PTPRM: variants seen among roughly 807,000 people sequenced by gnomAD.
The protein encoded by PTPRM is protein tyrosine phosphatase receptor type M.
Under a neutral mutation model 186.7 loss-of-function variants are expected in PTPRM, and 47 were observed. The ratio of observed to expected loss-of-function variants is 0.25; its 90% CI spans 0.20 to 0.32. The LOEUF is 0.32. Among genes scored for constraint, PTPRM ranks in the 10% least tolerant of loss-of-function variants. The pLI is 1.00. For missense variants in PTPRM, 1,494 were observed against 1,865.0 expected (o/e 0.80, Z 3.66); for synonymous variants, 668 against 674.9 (o/e 0.99, Z 0.16).
At chr18:8,218,628 G>T (rs1362698247) in intron 14 of PTPRM, among the ~76,000 whole-genome samples, 1 of 152,134 alleles carries the variant, frequency 6.6e-6, no homozygotes, top group Non-Finnish European at 1.5e-5. Context: ...TCAGTGTAGC[G>T]CTCAAAGGAA....
chr18:8,298,635 C>A (rs9949149), intron 20 of PTPRM, among the ~76,000 whole-genome samples: 101,992 of 152,152 alleles, frequency 0.67, 35,018 homozygotes, highest in African/African-American at 0.8. Context: ...CTTTGCACAT[C>A]GAAACCCGCT....
Position 8,354,229 on chromosome 18 carries a change from T to C in PTPRM, c.3054+10709T>C, listed in dbSNP as rs952851227. On this transcript the variant is annotated intron_variant, in intron 23 of 32. Transcript: ENST00000580170. The stretch of plus-strand genomic sequence containing the variant: ...TTCCGTCTTAAAAAAAAAAAAAGTA[T>C]AATGCAAAGTGATAACCACTGCAAC... Among the ~76,000 whole-genome samples the C allele has an allele frequency of 2.8e-5, 4 of 144,442 alleles. No individual in the cohort carries two copies. In the South Asian group the frequency reaches 8.6e-4, roughly 31 times the overall value. The allele number at this position is 144,442 out of a possible 152,430, so 94.8% of individuals were successfully genotyped here. A position where few individuals can be genotyped will look rare whatever the true frequency, so the allele number is the denominator to read the frequency against.
At chr18:7,734,773 A>G in intron 1 of PTPRM, among the ~76,000 whole-genome samples, 1 of 152,210 alleles carries the variant, frequency 6.6e-6, no homozygotes, top group Non-Finnish European at 1.5e-5. Flanking sequence ...CATAATAGGG[A>G]AAAAGTGAAT....
chr18:7,717,917 C>T lies in PTPRM; in HGVS notation c.74-56232C>T, dbSNP rs78209407. Among the ~76,000 whole-genome samples, 595 of 152,302 alleles carry T rather than the reference C, an allele frequency of 3.9e-3. 5 individuals carry two copies. Among genetic ancestry groups the T allele is most frequent in the African/African-American group, 0.014 (570 of 41,574 alleles). On this transcript the variant is annotated intron_variant, in intron 1 of 32. Coordinates refer to ENST00000580170, the MANE Select transcript of PTPRM (RefSeq NM_001105244.2). Reference sequence around the variant, plus strand: ...CAGTGCTTGTTGACTCCAGTTCCCGCACCTGTTTGCTTGTGCTCCCTCCCT... The same window carrying T: ...CAGTGCTTGTTGACTCCAGTTCCCGTACCTGTTTGCTTGTGCTCCCTCCCT...
chr18:8,160,458 TTTGTTG>T (rs555423057), intron 14 of PTPRM, among the ~76,000 whole-genome samples: 1,897 of 151,584 alleles, frequency 0.013, 24 homozygotes, highest in Middle Eastern at 0.041. Flanking sequence ...ATTTTGGGGT[TTTGTTG>T]TTGTTGTTGT....
intron 22 of PTPRM, among the ~76,000 whole-genome samples, chr18:8,342,156 T>C (rs1021069881): frequency 4.6e-5 from 7 of 152,174 alleles, no homozygotes; most frequent in African/African-American, 1.7e-4. Flanking sequence ...CGATTGCTAA[T>C]TGGTCAAGAG....
intron 4 of PTPRM, among the ~76,000 whole-genome samples, chr18:7,911,566 GTTGTTTATC>G (rs1221866644): frequency 2.6e-5 from 4 of 152,042 alleles, no homozygotes; most frequent in Non-Finnish European, 5.9e-5. Context: ...TTTTAATTGA[GTTGTTTATC>G]TTTTTATTAT....
Position 7,852,888 on chromosome 18 carries a change from A to G in PTPRM, c.197-35218A>G, listed in dbSNP as rs185704480. ...ACCAATCAAAAAATAAAAAATAAAT[A>G]ATACATAGTTACATAGCCTAAACAA... On this transcript the variant is annotated intron_variant, in intron 2 of 32. Transcript: ENST00000580170. Among the ~76,000 whole-genome samples, 9 of 152,248 alleles carry G rather than the reference A, an allele frequency of 5.9e-5. No individual in the cohort carries two copies. In the East Asian group the frequency reaches 1.7e-3, roughly 29 times the overall value.
At chr18:8,146,984 C>G (rs113300914) in intron 14 of PTPRM, among the ~76,000 whole-genome samples, 21,344 of 152,074 alleles carry the variant, frequency 0.14, 1,551 homozygotes, top group Middle Eastern at 0.18. Context: ...ATTTCTGAGG[C>G]CTATGTTCTG....
chr18:8,367,639 G>A (rs181114909), intron 23 of PTPRM, among the ~76,000 whole-genome samples: 235 of 152,368 alleles, frequency 1.5e-3, no homozygotes, highest in African/African-American at 5.4e-3. Context: ...CTGGGTGCGG[G>A]GGGACAGCCA....
At chr18:8,246,338 T>TA in intron 15 of PTPRM, among the ~76,000 whole-genome samples, 1 of 152,108 alleles carries the variant, frequency 6.6e-6, no homozygotes. Flanking sequence ...TAGGAGAATT[T>TA]AAAAATAAGC....
intron 14 of PTPRM, among the ~76,000 whole-genome samples, chr18:8,228,309 C>T (rs1476145867): frequency 6.6e-6 from 1 of 152,100 alleles, no homozygotes; most frequent in South Asian, 2.1e-4. Flanking sequence ...GGAAACAGAG[C>T]TCACAAGTTT....
intron 32 of PTPRM, among the ~76,000 whole-genome samples, chr18:8,401,300 A>G (rs1485360355): frequency 1.3e-5 from 2 of 152,150 alleles, no homozygotes; most frequent in African/African-American, 4.8e-5. Flanking sequence ...AGTTCTACCT[A>G]TAGGTATTAA....
At chr18:7,616,775 C>T (rs1307258988) in intron 1 of PTPRM, among the ~76,000 whole-genome samples, 3 of 152,188 alleles carry the variant, frequency 2.0e-5, no homozygotes, top group African/African-American at 4.8e-5. Context: ...TGGTCCCCAT[C>T]CTGCCTGTCT....
intron 1 of PTPRM, among the ~76,000 whole-genome samples, chr18:7,603,996 A>G (rs1168176637): frequency 1.3e-5 from 2 of 152,208 alleles, no homozygotes; most frequent in African/African-American, 4.8e-5. Flanking sequence ...ATGCCAACAT[A>G]ATTATTTATA....
At chr18:7,998,286 A>G (rs2083660607) in intron 7 of PTPRM, among the ~76,000 whole-genome samples, 1 of 152,072 alleles carries the variant, frequency 6.6e-6, no homozygotes, top group Non-Finnish European at 1.5e-5. Flanking sequence ...GCACAGAATC[A>G]CAAATGTTAC....
At chr18:7,906,426 A>T in intron 3 of PTPRM, 79 bp from the exon 4 acceptor site, 4 of 1,059,508 alleles carry the variant, frequency 3.8e-6, no homozygotes. Flanking sequence ...AAACGAAATT[A>T]TGTGTCTTAT....
chr18:8,172,527 A>G (rs889348885), intron 14 of PTPRM, among the ~76,000 whole-genome samples: 4 of 152,092 alleles, frequency 2.6e-5, no homozygotes, highest in Non-Finnish European at 4.4e-5. Context: ...TACCCCAGGC[A>G]TATTGAATCA....
intron 20 of PTPRM, among the ~76,000 whole-genome samples, chr18:8,301,097 C>T (rs183646725): frequency 1.3e-5 from 2 of 152,310 alleles, no homozygotes; most frequent in African/African-American, 4.8e-5. Context: ...ACACCACTAA[C>T]TAGAATAAGG....
Sources: allele counts gnomAD v4.1 joint callset (sites outside exome capture counted in the v4.1 genomes callset), GRCh38; gene constraint gnomAD v4.1.1; transcripts MANE v1.5; gene names NCBI Gene and HGNC (gene_info 2026-07-23, HGNC 2026-07-21).